The following VRK2 variants were observed in gnomAD, a reference collection of about 807,000 sequenced individuals.
VRK2 encodes VRK serine/threonine kinase 2, also known as serine/threonine-protein kinase VRK2.
Under a neutral mutation model 57.6 loss-of-function variants are expected in VRK2, and 60 were observed. That is an observed-to-expected ratio of 1.04 (90% CI 0.85 to 1.29). The LOEUF (loss-of-function observed/expected upper bound fraction) is 1.29, where lower values mean the gene tolerates loss of function less well. VRK2 is among the 50% of genes most tolerant of loss of function. VRK2 has a pLI of 0.00. For synonymous variants in VRK2, 231 were observed against 199.2 expected (o/e 1.16, Z -1.35); for missense variants, 705 against 588.1 (o/e 1.20, Z -2.06).
intron 1 of VRK2, among the ~76,000 whole-genome samples, chr2:57,980,324 T>G (rs903399406): frequency 3.9e-5 from 6 of 152,308 alleles, no homozygotes; most frequent in African/African-American, 1.4e-4. Flanking sequence ...TTGTTAAATT[T>G]CCATGTAATT....
At chr2:58,069,057 T>C (rs1206888304) in intron 2 of VRK2, among the ~76,000 whole-genome samples, 2 of 152,188 alleles carry the variant, frequency 1.3e-5, no homozygotes, top group Non-Finnish European at 2.9e-5. Context: ...TGAGTTTTTT[T>C]CTGCTTCTTT....
intron 1 of VRK2, among the ~76,000 whole-genome samples, chr2:57,925,084 T>G (rs1670487353): frequency 6.6e-6 from 1 of 152,098 alleles, no homozygotes; most frequent in Admixed American, 6.6e-5. Context: ...TTAGTGATCT[T>G]TTTAATGTGT....
intron 1 of VRK2, among the ~76,000 whole-genome samples, chr2:58,015,262 G>A (rs556966528): frequency 6.6e-6 from 1 of 152,164 alleles, no homozygotes; most frequent in Non-Finnish European, 1.5e-5. Context: ...TCACTTGTTT[G>A]TGTGTTTGTT....
intron 2 of VRK2, among the ~76,000 whole-genome samples, chr2:58,056,041 ACAT>A (rs1676468075): frequency 6.6e-6 from 1 of 152,110 alleles, no homozygotes; most frequent in Non-Finnish European, 1.5e-5. Flanking sequence ...AGAACTCTAA[ACAT>A]CATATTTCCT....
chr2:57,992,125 A>G (rs147832457), intron 1 of VRK2, among the ~76,000 whole-genome samples: 4 of 152,294 alleles, frequency 2.6e-5, no homozygotes, highest in South Asian at 2.1e-4. Flanking sequence ...ATTTCTGTCA[A>G]AAAACGAAGG....
upstream of VRK2, among the ~76,000 whole-genome samples, chr2:58,043,595 T>C (rs1674551686): frequency 6.6e-6 from 1 of 152,204 alleles, no homozygotes; most frequent in Non-Finnish European, 1.5e-5. Flanking sequence ...TGCTGAGTGA[T>C]AGTTCATTGT....
At chr2:58,149,171 G>A (rs1353868552) in intron 12 of VRK2, among the ~76,000 whole-genome samples, 2 of 151,728 alleles carry the variant, frequency 1.3e-5, no homozygotes, top group African/African-American at 4.8e-5. Context: ...GCATTTATGT[G>A]CATTTTCTTT....
At chr2:58,070,339 T>C (rs1399192239) in intron 2 of VRK2, among the ~76,000 whole-genome samples, 1 of 152,102 alleles carries the variant, frequency 6.6e-6, no homozygotes, top group Non-Finnish European at 1.5e-5. Context: ...CGTGCACCAC[T>C]GTGCCCAGGT....
chr2:58,154,923 T>G, intron 12 of VRK2: 1 of 520,702 alleles, frequency 1.9e-6, no homozygotes, highest in Non-Finnish European at 3.5e-6. Flanking sequence ...TTTAATACCT[T>G]ATTTAGAAAT....
rs567473776 is a variant in VRK2, at chr2:58,025,772, T to G, written c.-333+2T>G. 1 of 152,314 alleles carries G rather than the reference T, an allele frequency of 6.6e-6. No homozygotes were observed. Among genetic ancestry groups the G allele is most frequent in the African/African-American group, 2.4e-5 (1 of 41,574 alleles). 9.4% of individuals were successfully genotyped at this position (152,314 alleles called of 1,614,324 possible). A position where few individuals can be genotyped will look rare whatever the true frequency, so the allele number is the denominator to read the frequency against. ...AGTTTACCAGAGAAAAGATGCCAGG[T>G]GGGTGGCCTTTATAGAAAAGGTAAG... On this transcript the variant is annotated splice_donor_variant, in intron 2 of 15. Coordinates refer to the VRK2 transcript ENST00000417641. LOFTEE classifies it low-confidence loss of function (5UTR_SPLICE).
chr2:58,109,560 CCTT>C (rs1178391353), intron 7 of VRK2, among the ~76,000 whole-genome samples: 2 of 152,126 alleles, frequency 1.3e-5, no homozygotes, highest in East Asian at 1.9e-4. Flanking sequence ...GCAAATATGT[CCTT>C]CTTCACATGC....
chr2:58,036,735 G>A (rs1038065682), intron 3 of VRK2, among the ~76,000 whole-genome samples: 1 of 150,900 alleles, frequency 6.6e-6, no homozygotes, highest in African/African-American at 2.5e-5. Flanking sequence ...CACACAAGTA[G>A]TTAGTGTCAG....
intron 2 of VRK2, among the ~76,000 whole-genome samples, chr2:58,074,417 G>T (rs1669797154): frequency 1.3e-5 from 2 of 151,754 alleles, no homozygotes; most frequent in African/African-American, 4.8e-5. Context: ...CATTTTGTAT[G>T]ACTCCGTTTT....
chr2:58,107,791 T>G (rs1674966897), intron 7 of VRK2, among the ~76,000 whole-genome samples: 1 of 152,150 alleles, frequency 6.6e-6, no homozygotes, highest in Admixed American at 6.6e-5. Flanking sequence ...TTTGTTCACA[T>G]TAGTGTCCTG....
intron 7 of VRK2, among the ~76,000 whole-genome samples, chr2:58,122,152 A>C (rs1296847138): frequency 6.6e-6 from 1 of 152,204 alleles, no homozygotes; most frequent in African/African-American, 2.4e-5. Context: ...CAGATAAAAT[A>C]GTGGTGTTTC....
Position 58,088,344 on chromosome 2 carries a change from C to G in VRK2, c.348C>G (p.Tyr116Ter). ...SGLTEFKGRS[Y>*]RFMVMERLGI... The stretch of plus-strand genomic sequence containing the variant: ...TTTTGATGCTTTTTTCTTACAGTTA[C>G]AGATTTATGGTAATGGAAAGACTAG... Residue 116 changes from tyrosine to a stop codon, truncating the protein, a stop_gained, in exon 6 of 13, where the codon TAC (tyrosine) becomes TAG (stop). Transcript: ENST00000340157. LOFTEE classifies it high-confidence loss of function. The G allele has an allele frequency of 6.3e-7, 1 of 1,599,608 alleles. No homozygotes were observed. Among genetic ancestry groups the G allele is most frequent in the Non-Finnish European group, 8.5e-7 (1 of 1,171,530 alleles).
At chr2:58,157,940 C>A (rs1231616005) in intron 12 of VRK2, among the ~76,000 whole-genome samples, 2 of 152,144 alleles carry the variant, frequency 1.3e-5, no homozygotes, top group Non-Finnish European at 2.9e-5. Flanking sequence ...TTTGGCAACT[C>A]CTGTTATAGA....
chr2:57,933,843 A>T (rs1327036011), intron 1 of VRK2, among the ~76,000 whole-genome samples: 1 of 151,830 alleles, frequency 6.6e-6, no homozygotes, highest in Non-Finnish European at 1.5e-5. Flanking sequence ...TTGTGATTTG[A>T]TAATTTTCTT....
At chr2:58,003,592 G>C (rs1272309376) in intron 1 of VRK2, among the ~76,000 whole-genome samples, 1 of 152,028 alleles carries the variant, frequency 6.6e-6, no homozygotes, top group Non-Finnish European at 1.5e-5. Flanking sequence ...GCAATATTTT[G>C]AGCATAGTTT....
Sources: gnomAD v4.1 joint callset for allele counts (sites outside exome capture counted in the v4.1 genomes callset) on GRCh38, gnomAD v4.1.1 for gene constraint, MANE v1.5 for transcripts, NCBI Gene and HGNC (gene_info 2026-07-23, HGNC 2026-07-21) for gene names.